Variants in KAZN observed in about 807,000 individuals in gnomAD.
KAZN encodes the protein kazrin.
Under a neutral mutation model 87.4 loss-of-function variants are expected in KAZN, and 40 were observed. That is an observed-to-expected ratio of 0.46 (90% CI 0.36 to 0.60). The LOEUF is 0.60. Among genes scored for constraint, KAZN ranks in the 20% least tolerant of loss-of-function variants. The pLI, the probability that KAZN is intolerant of heterozygous loss-of-function variation, is 0.00. For synonymous variants in KAZN, 466 were observed against 458.3 expected, an observed-to-expected ratio of 1.02 and a Z score of -0.22; for missense variants, 898 against 1,073.9, an observed-to-expected ratio of 0.84 and a Z score of 2.29.
At chr1:14,390,583 T>G (rs1367906956) in intron 2 of KAZN, 11 of 152,254 alleles carry the variant, frequency 7.2e-5, no homozygotes, top group Admixed American at 6.5e-4. Flanking sequence ...CTGGACTCAG[T>G]AAACACCAGA....
intron 1 of KAZN, among the ~76,000 whole-genome samples, chr1:13,962,328 G>T (rs1445688645): frequency 6.6e-6 from 1 of 152,072 alleles, no homozygotes; most frequent in Non-Finnish European, 1.5e-5. Flanking sequence ...ACAATACCTT[G>T]TCCCTATCTC....
At chr1:14,215,821 A>G (rs1646946251) in intron 2 of KAZN, among the ~76,000 whole-genome samples, 2 of 152,162 alleles carry the variant, frequency 1.3e-5, no homozygotes, top group African/African-American at 2.4e-5. Flanking sequence ...GGCTTGTGCT[A>G]TAGAATCCAA....
At chr1:13,979,309 T>C (rs1301477261) in intron 1 of KAZN, among the ~76,000 whole-genome samples, 3 of 152,134 alleles carry the variant, frequency 2.0e-5, no homozygotes, top group Non-Finnish European at 4.4e-5. Flanking sequence ...GTGTTTTAGC[T>C]TGAAAGAAGC....
In KAZN at chr1:14,795,740, C is replaced by T. The variant is rs77695785; in HGVS notation, c.227-164944C>T. On this transcript the variant is annotated intron_variant, in intron 1 of 14. Transcript: ENST00000376030. Reference sequence around the variant, plus strand: ...CACCAGCCCCTCTGGCCTCATTCCACACCAGCCCCTCTGACCTCCTTGCTT... The same window carrying T: ...CACCAGCCCCTCTGGCCTCATTCCATACCAGCCCCTCTGACCTCCTTGCTT... 1.2e-3 allele frequency among the ~76,000 whole-genome samples: 183 copies of T among 152,294 alleles called. 1 individual carries two copies. Among genetic ancestry groups the T allele is most frequent in the East Asian group, 9.6e-3 (50 of 5,186 alleles).
At chr1:14,680,332 T>A (rs541451669) in intron 1 of KAZN, among the ~76,000 whole-genome samples, 1 of 152,244 alleles carries the variant, frequency 6.6e-6, no homozygotes, top group African/African-American at 2.4e-5. Flanking sequence ...CTCCCCCTAC[T>A]CCTGCAGCTA....
At chr1:14,425,141 A>G (rs892410564) in intron 2 of KAZN, among the ~76,000 whole-genome samples, 2 of 152,174 alleles carry the variant, frequency 1.3e-5, no homozygotes, top group Non-Finnish European at 2.9e-5. Flanking sequence ...TGTCTTCATC[A>G]GAGGCCAACC....
At chr1:14,535,684 A>G (rs1332828136) in intron 2 of KAZN, among the ~76,000 whole-genome samples, 1 of 151,834 alleles carries the variant, frequency 6.6e-6, no homozygotes, top group Admixed American at 6.6e-5. Flanking sequence ...AAATAAAAAT[A>G]AAAAATAAAT....
intron 12 of KAZN, among the ~76,000 whole-genome samples, 153 bp from the exon 13 acceptor site, chr1:15,103,870 A>C (rs941897316): frequency 1.3e-5 from 2 of 152,140 alleles, no homozygotes; most frequent in Non-Finnish European, 2.9e-5. Flanking sequence ...GCTCTAAAAA[A>C]TTGGGGAGGG....
At position 14,123,929 on chromosome 1, in the gene KAZN, C is replaced by G. The variant is rs574512412; in HGVS notation, c.92-56506C>G. On this transcript the variant is annotated intron_variant, in intron 1 of 16. Transcript: ENST00000636203. ...CAGCTCCCAAGTGGCCCAGGCTTCT[C>G]CCTTCATCTCTCAGTGATGACAAAT... Among the ~76,000 whole-genome samples, 23 of 152,302 alleles carry G rather than the reference C, an allele frequency of 1.5e-4. No homozygotes were observed. The South Asian group carries it at 4.8e-3, about 32-fold the overall frequency.
chr1:14,434,455 C>T (rs1218729257), intron 2 of KAZN, among the ~76,000 whole-genome samples: 1 of 152,218 alleles, frequency 6.6e-6, no homozygotes, highest in Non-Finnish European at 1.5e-5. Context: ...TTTACATTGG[C>T]ATTCAGGGGT....
At chr1:14,706,820 G>A (rs1268574255) in intron 1 of KAZN, among the ~76,000 whole-genome samples, 2 of 152,066 alleles carry the variant, frequency 1.3e-5, no homozygotes, top group Admixed American at 6.5e-5. Flanking sequence ...GACTGACAAA[G>A]GAAACCCTTT....
intron 2 of KAZN, among the ~76,000 whole-genome samples, chr1:14,286,770 T>C (rs973583640): frequency 6.6e-6 from 1 of 152,180 alleles, no homozygotes; most frequent in Non-Finnish European, 1.5e-5. Flanking sequence ...CACCTGACTT[T>C]CTTGGTGGGG....
intron 1 of KAZN, among the ~76,000 whole-genome samples, chr1:14,050,256 C>A (rs7515695): frequency 0.94 from 141,267 of 150,920 alleles, 66,195 homozygotes; most frequent in African/African-American, 0.96. Context: ...GTGGGCATGC[C>A]TGTGCACATG....
At position 15,116,294 on chromosome 1, in the gene KAZN, T is replaced by A. The variant is rs936352689; in HGVS notation, c.*1659T>A. On this transcript the variant is annotated 3_prime_UTR_variant, in exon 15 of 15. Transcript: ENST00000376030. The stretch of plus-strand genomic sequence containing the variant: ...GTGTGTTCTTCAACCTGGCAAATTG[T>A]TTCCTCTCATGGGGGAAGCCGAGCT... 1 of 152,214 alleles carries A rather than the reference T, an allele frequency of 6.6e-6. No individual in the cohort carries two copies. The highest frequency in any genetic ancestry group is 6.5e-5 in the Admixed American group (1 of 15,272). 9.4% of individuals were successfully genotyped at this position (152,214 alleles called of 1,614,324 possible). A position where few individuals can be genotyped will look rare whatever the true frequency, so the allele number is the denominator to read the frequency against.
At chr1:14,022,485 CAAAAA>C (rs58713618) in intron 1 of KAZN, among the ~76,000 whole-genome samples, 15 of 110,502 alleles carry the variant, frequency 1.4e-4, no homozygotes, top group African/African-American at 4.6e-4. Flanking sequence ...GTATTTAAAG[CAAAAA>C]AAAAAAAAAA....
At chr1:14,193,463 G>A (rs1030978337) in intron 2 of KAZN, among the ~76,000 whole-genome samples, 1 of 152,132 alleles carries the variant, frequency 6.6e-6, no homozygotes, top group Non-Finnish European at 1.5e-5. Flanking sequence ...GAGTGGCCTG[G>A]AACAGAGGCT....
intron 1 of KAZN, among the ~76,000 whole-genome samples, chr1:14,927,502 T>C (rs2101547186): frequency 6.6e-6 from 1 of 152,144 alleles, no homozygotes; most frequent in Admixed American, 6.5e-5. Flanking sequence ...TGCTGCTTAG[T>C]TTTTAGGTAG....
chr1:15,003,512 T>G (rs1477616202), intron 2 of KAZN, among the ~76,000 whole-genome samples: 2 of 152,186 alleles, frequency 1.3e-5, no homozygotes, highest in Non-Finnish European at 1.5e-5. Flanking sequence ...GTAAAGCTGT[T>G]TTTTAAAAAT....
intron 1 of KAZN, among the ~76,000 whole-genome samples, chr1:14,150,677 A>C (rs892586565): frequency 3.3e-5 from 5 of 152,188 alleles, no homozygotes; most frequent in Non-Finnish European, 5.9e-5. Context: ...CCATGCCTGG[A>C]AAGAGACGAT....
Sources: allele counts gnomAD v4.1 joint callset (sites outside exome capture counted in the v4.1 genomes callset), GRCh38; gene constraint gnomAD v4.1.1; transcripts MANE v1.5; gene names NCBI Gene and HGNC (gene_info 2026-07-23, HGNC 2026-07-21).